Variants in FDFT1 observed in about 807,000 individuals in gnomAD.
FDFT1 encodes the protein farnesyl-diphosphate farnesyltransferase 1.
Under a neutral mutation model 46.8 loss-of-function variants are expected in FDFT1, and 68 were observed. The ratio of observed to expected loss-of-function variants is 1.45; its 90% CI spans 1.19 to 1.78. The LOEUF (loss-of-function observed/expected upper bound fraction) is 1.78, where lower values mean the gene tolerates loss of function less well. Among genes scored for constraint, FDFT1 ranks in the 40% most tolerant of loss-of-function variants. The pLI, the probability that FDFT1 is intolerant of heterozygous loss-of-function variation, is 0.00. For missense variants in FDFT1, 928 were observed against 524.4 expected (o/e 1.77, Z -7.52); for synonymous variants, 351 against 185.1 (o/e 1.90, Z -7.28).
upstream of FDFT1, chr8:11,797,787 GA>G (rs1046422987): frequency 2.4e-4 from 36 of 152,422 alleles, no homozygotes; most frequent in African/African-American, 8.2e-4. Context: ...GCTAGGCAAG[GA>G]GCAGGAAGCC....
At chr8:11,810,591 A>G (rs1047722782) in intron 3 of FDFT1, among the ~76,000 whole-genome samples, 2 of 152,124 alleles carry the variant, frequency 1.3e-5, no homozygotes, top group Non-Finnish European at 2.9e-5. Context: ...ATTTTGTTGG[A>G]GTAAAGTGGG....
chr8:11,829,495 T>C (rs1439872586), intron 5 of FDFT1, among the ~76,000 whole-genome samples: 1 of 152,176 alleles, frequency 6.6e-6, no homozygotes. Flanking sequence ...CTTACCAGAG[T>C]AGGAATATAA....
At chr8:11,821,100 A>C (rs553627060) in intron 3 of FDFT1, among the ~76,000 whole-genome samples, 1 of 152,214 alleles carries the variant, frequency 6.6e-6, no homozygotes. Context: ...CCATGTTTGC[A>C]CAAATGAATC....
In FDFT1 at chr8:11,838,458, C is replaced by G; in HGVS notation, c.1103C>G (p.Thr368Arg). The G allele has an allele frequency of 6.2e-7, 1 of 1,607,732 alleles. No individual in the cohort carries two copies. The highest frequency in any genetic ancestry group is 8.5e-7 in the Non-Finnish European group (1 of 1,176,382). Reference protein sequence around the residue: ...KTRQIISTIRTQNLPNCQLIS... With the variant: ...KTRQIISTIRRQNLPNCQLIS... ...AGGCAGATCATCTCCACCATCCGGA[C>G]GCAGAATCTTCCCAACTGTCAGCTG... The change falls in exon 8 of 8, where the codon ACG (threonine) becomes AGG (arginine). Residue 368 changes from threonine to arginine, a missense_variant. Physicochemically the swap from Thr to Arg is moderately conservative, Grantham distance 71. Transcript: ENST00000220584.
At chr8:11,808,518 A>G (rs1023209185) in intron 1 of FDFT1, 10 of 1,333,602 alleles carry the variant, frequency 7.5e-6, no homozygotes, top group South Asian at 4.1e-5. Flanking sequence ...CGCGATTCCC[A>G]TGGCCGCAGC....
At chr8:11,830,197 C>G (rs760115135) in intron 5 of FDFT1, 47 bp from the exon 6 acceptor site, 3 of 1,418,472 alleles carry the variant, frequency 2.1e-6, no homozygotes, top group South Asian at 2.3e-5. Context: ...TGTAAATTCT[C>G]CCCTATGCAC....
chr8:11,821,809 C>G lies in FDFT1; in HGVS notation c.441C>G (p.Cys147Trp), dbSNP rs748676632. 6.2e-7 allele frequency: 1 copy of G among 1,613,650 alleles called. No individual in the cohort carries two copies. The highest frequency in any genetic ancestry group is 1.1e-5 in the South Asian group (1 of 91,080). ...ACCAAACAGTGATTGCCGACATTTG[C>G]CGGAGAATGGGCATTGGGATGGCAG... ...EKYQTVIADI[C>W]RRMGIGMAEF... Residue 147 changes from cysteine (C) to tryptophan (W), a missense_variant, in exon 4 of 8, where the codon TGC becomes TGG. By Grantham distance (215) the Cys-to-Trp change is radical. Transcript: ENST00000220584.
rs117679783 is a variant in FDFT1 at position 11,810,670 on chromosome 8, T to C, written c.381+820T>C. 2.3e-3 allele frequency among the ~76,000 whole-genome samples: 344 copies of C among 152,302 alleles called. 10 individuals carry two copies. The East Asian group carries it at 0.054, about 24-fold the overall frequency. On this transcript the variant is annotated intron_variant, in intron 3 of 7. Transcript: ENST00000220584. ...GTGGACATCTGCCTAGGTCCTACTATCCTAGAATTCGCATGTCTTATCACA... is the reference window on the plus strand; with the variant it reads ...GTGGACATCTGCCTAGGTCCTACTACCCTAGAATTCGCATGTCTTATCACA...
At chr8:11,806,411 G>A (rs1806839558) in intron 1 of FDFT1, among the ~76,000 whole-genome samples, 1 of 152,154 alleles carries the variant, frequency 6.6e-6, no homozygotes, top group African/African-American at 2.4e-5. Flanking sequence ...GTGATTTGAA[G>A]AAACCTGTTT....
At chr8:11,810,172 G>C (rs184840410) in intron 3 of FDFT1, among the ~76,000 whole-genome samples, 58 of 152,060 alleles carry the variant, frequency 3.8e-4, no homozygotes, top group Non-Finnish European at 6.3e-4. Flanking sequence ...AATGCTCTTA[G>C]AATGTTAGCT....
At chr8:11,818,946 C>G (rs111405859) in intron 3 of FDFT1, among the ~76,000 whole-genome samples, 4,056 of 152,234 alleles carry the variant, frequency 0.027, 189 homozygotes, top group African/African-American at 0.091. Context: ...TCTTCCTAGC[C>G]TCGATGGTCT....
At chr8:11,802,258 G>C, upstream of FDFT1, 1 of 384,212 alleles carries the variant, frequency 2.6e-6, no homozygotes, top group Non-Finnish European at 5.1e-6. Context: ...ACGGTTTTAG[G>C]CTCTACAGAG....
chr8:11,810,020 G>T (rs1807482722), intron 3 of FDFT1, 170 bp downstream of exon 3: 1 of 549,094 alleles, frequency 1.8e-6, no homozygotes, highest in East Asian at 3.0e-5. Flanking sequence ...GGCTGCCTGG[G>T]TTGGAATCTC....
At chr8:11,803,067 T>G in intron 1 of FDFT1, 136 bp downstream of exon 1, 1 of 1,451,144 alleles carries the variant, frequency 6.9e-7, no homozygotes, top group South Asian at 1.4e-5. Flanking sequence ...CCCGTCCCCC[T>G]TTCCTCGAGC....
intron 3 of FDFT1, among the ~76,000 whole-genome samples, chr8:11,811,175 G>C (rs1215690003): frequency 6.6e-6 from 1 of 152,184 alleles, no homozygotes; most frequent in African/African-American, 2.4e-5. Flanking sequence ...GGAAGGTCCT[G>C]GTGATTTGAC....
chr8:11,833,285 C>T (rs557430370), intron 7 of FDFT1, among the ~76,000 whole-genome samples: 15 of 152,250 alleles, frequency 9.9e-5, no homozygotes, highest in African/African-American at 3.6e-4. Flanking sequence ...AAACTTGAGG[C>T]CCCAGCCTCA....
intron 1 of FDFT1, among the ~76,000 whole-genome samples, chr8:11,805,992 A>C (rs375681679): frequency 2.6e-5 from 4 of 152,182 alleles, no homozygotes; most frequent in African/African-American, 9.6e-5. Flanking sequence ...TGATTATGTA[A>C]ATTTATGTAA....
chr8:11,832,634 G>T (rs943646690), intron 7 of FDFT1, among the ~76,000 whole-genome samples: 1 of 148,492 alleles, frequency 6.7e-6, no homozygotes, highest in Non-Finnish European at 1.5e-5. Flanking sequence ...TAGAGCAGTG[G>T]TTTGTAAATG....
chr8:11,823,497 ACAAATTT>A (rs1809539305), intron 4 of FDFT1, among the ~76,000 whole-genome samples: 1 of 152,168 alleles, frequency 6.6e-6, no homozygotes. Context: ...TTGTCCCAGA[ACAAATTT>A]CAAGTGCTTT....
Sources: gnomAD v4.1 joint callset for allele counts (sites outside exome capture counted in the v4.1 genomes callset) on GRCh38, gnomAD v4.1.1 for gene constraint, MANE v1.5 for transcripts, NCBI Gene and HGNC (gene_info 2026-07-23, HGNC 2026-07-21) for gene names.